Variants in C4orf51 observed in about 807,000 individuals in gnomAD.
C4orf51 encodes the protein uncharacterized protein C4orf51.
Under a neutral mutation model 25.2 loss-of-function variants are expected in C4orf51, and 25 were observed. That is an observed-to-expected ratio of 0.99 (90% CI 0.72 to 1.39). The LOEUF (loss-of-function observed/expected upper bound fraction) is 1.39, where lower values mean the gene tolerates loss of function less well. Ranked by LOEUF, C4orf51 falls within the 40% of genes most tolerant of loss-of-function variation. The pLI is 0.00. For missense variants in C4orf51, 252 were observed against 239.6 expected (o/e 1.05, Z -0.34); for synonymous variants, 100 against 84.5 (o/e 1.18, Z -1.01).
chr4:145,694,366 G>T (rs1729887278), intron 1 of C4orf51, among the ~76,000 whole-genome samples: 1 of 149,452 alleles, frequency 6.7e-6, no homozygotes, highest in African/African-American at 2.5e-5. Context: ...CGTCCGGGAG[G>T]GAGGTGGGGG....
chr4:145,755,225 T>G (rs1484012678), downstream of C4orf51, among the ~76,000 whole-genome samples: 1 of 152,194 alleles, frequency 6.6e-6, no homozygotes, highest in Non-Finnish European at 1.5e-5. Context: ...TTTCATAAGA[T>G]GCTTAACGGT....
the C4orf51 span, among the ~76,000 whole-genome samples, chr4:145,784,438 C>T: frequency 6.6e-6 from 1 of 152,138 alleles, no homozygotes; most frequent in South Asian, 2.1e-4. Context: ...ACATTAGGTT[C>T]CACCTTTTGA....
At chr4:145,689,292 A>G (rs1729376723) in intron 1 of C4orf51, among the ~76,000 whole-genome samples, 1 of 152,224 alleles carries the variant, frequency 6.6e-6, no homozygotes, top group African/African-American at 2.4e-5. Flanking sequence ...CTTAAAATTA[A>G]GTAGTTCTAT....
intron 1 of C4orf51, 96 bp from the exon 2 acceptor site, chr4:145,696,463 A>T: frequency 9.5e-7 from 1 of 1,049,454 alleles, no homozygotes; most frequent in South Asian, 1.4e-5. Flanking sequence ...GAAAGTTTTA[A>T]AAAAAGATGA....
At chr4:145,726,599 G>T (rs1041010780) in intron 2 of C4orf51, among the ~76,000 whole-genome samples, 2 of 152,058 alleles carry the variant, frequency 1.3e-5, no homozygotes, top group African/African-American at 2.4e-5. Context: ...AGAGACGGGG[G>T]TCTCCCTATG....
the C4orf51 span, among the ~76,000 whole-genome samples, chr4:145,783,513 G>A: frequency 6.6e-6 from 1 of 152,202 alleles, no homozygotes; most frequent in Non-Finnish European, 1.5e-5. Flanking sequence ...ATAGCATCAA[G>A]CCACAAGATG....
chr4:145,732,436 A>G lies in C4orf51; in HGVS notation c.502-17A>G, dbSNP rs1732526629. On this transcript the variant is annotated splice_polypyrimidine_tract_variant and intron_variant, in intron 5 of 5. Coordinates refer to ENST00000438731, the MANE Select transcript of C4orf51 (RefSeq NM_001080531.3). ...TGCGGATGAGCGAGTGTTGACAACC[A>G]GGCCATTTTTCTCCAGCTTCATGGA... 1.3e-6 allele frequency: 2 copies of G among 1,561,168 alleles called. No individual in the cohort carries two copies. Among genetic ancestry groups the G allele is most frequent in the Non-Finnish European group, 1.8e-6 (2 of 1,136,334 alleles).
the C4orf51 span, among the ~76,000 whole-genome samples, chr4:145,790,292 G>A: frequency 1.6e-4 from 25 of 152,084 alleles, 1 homozygote; most frequent in South Asian, 5.0e-3. Flanking sequence ...CATTGAACTA[G>A]GTTTTCAATA....
chr4:145,728,307 A>T (rs1278987953), intron 3 of C4orf51, among the ~76,000 whole-genome samples: 1 of 151,868 alleles, frequency 6.6e-6, no homozygotes, highest in African/African-American at 2.4e-5. Context: ...CCTCTCTAAC[A>T]TTAGCTTTAA....
chr4:145,791,435 T>C, the C4orf51 span, among the ~76,000 whole-genome samples: 1 of 152,158 alleles, frequency 6.6e-6, no homozygotes, highest in East Asian at 1.9e-4. Flanking sequence ...ACATAAACAT[T>C]TAGACCATAC....
intron 1 of C4orf51, among the ~76,000 whole-genome samples, chr4:145,745,836 A>T (rs575216505): frequency 2.6e-5 from 4 of 152,186 alleles, no homozygotes; most frequent in Non-Finnish European, 5.9e-5. Flanking sequence ...TTACATTCCC[A>T]CCAACAGTGT....
At chr4:145,786,441 G>T in the C4orf51 span, among the ~76,000 whole-genome samples, 5 of 152,198 alleles carry the variant, frequency 3.3e-5, no homozygotes, top group Admixed American at 3.3e-4. Context: ...TCTCATTACT[G>T]AAGAAGAGGC....
chr4:145,710,717 C>T (rs1731085512), intron 2 of C4orf51, among the ~76,000 whole-genome samples: 1 of 152,016 alleles, frequency 6.6e-6, no homozygotes, highest in South Asian at 2.1e-4. Flanking sequence ...TTGGTTGCAG[C>T]CAATTATTAT....
At chr4:145,711,902 C>G (rs748913500) in intron 2 of C4orf51, among the ~76,000 whole-genome samples, 1 of 152,040 alleles carries the variant, frequency 6.6e-6, no homozygotes, top group South Asian at 2.1e-4. Context: ...TCTATTGCTG[C>G]CATTTTTCCA....
At chr4:145,724,080 T>G (rs774283231) in intron 2 of C4orf51, among the ~76,000 whole-genome samples, 1 of 152,228 alleles carries the variant, frequency 6.6e-6, no homozygotes, top group Non-Finnish European at 1.5e-5. Context: ...TTCCCCAGAA[T>G]GCACCAAATG....
chr4:145,693,819 G>A (rs1729794550), intron 1 of C4orf51, among the ~76,000 whole-genome samples: 4 of 54,604 alleles, frequency 7.3e-5, no homozygotes, highest in African/African-American at 7.5e-5. Flanking sequence ...TCCCGGACGG[G>A]GCGGCTGGCC....
chr4:145,772,581 A>G (rs1002867134), downstream of C4orf51, among the ~76,000 whole-genome samples: 4 of 152,204 alleles, frequency 2.6e-5, no homozygotes, highest in African/African-American at 9.7e-5. Context: ...GTCTACGACT[A>G]CTTTCAAGTT....
chr4:145,736,198 A>C (rs142806903), downstream of C4orf51, among the ~76,000 whole-genome samples: 319 of 152,026 alleles, frequency 2.1e-3, no homozygotes, highest in African/African-American at 7.5e-3. Context: ...GAACACTGTT[A>C]TTATAGCATT....
chr4:145,733,701 G>T (rs767731577), downstream of C4orf51, among the ~76,000 whole-genome samples: 2 of 152,166 alleles, frequency 1.3e-5, no homozygotes, highest in Admixed American at 1.3e-4. Flanking sequence ...GCCCTAGGTC[G>T]GGTTAAATAC....
Sources: allele counts gnomAD v4.1 joint callset (sites outside exome capture counted in the v4.1 genomes callset), GRCh38; gene constraint gnomAD v4.1.1; transcripts MANE v1.5; gene names NCBI Gene and HGNC (gene_info 2026-07-23, HGNC 2026-07-21).